PILRB: variants seen among roughly 807,000 people sequenced by gnomAD.
PILRB encodes the protein paired immunoglobin like type 2 receptor beta.
In PILRB, 21 loss-of-function variants were observed where a neutral mutation model predicts 20.5. That is an observed-to-expected ratio of 1.02 (90% CI 0.72 to 1.47). The LOEUF is 1.47. Ranked by LOEUF, PILRB falls within the 40% of genes most tolerant of loss-of-function variation. PILRB has a pLI of 0.00. For synonymous variants in PILRB, 133 were observed against 115.1 expected (o/e 1.16, Z -0.99); for missense variants, 253 against 272.1 (o/e 0.93, Z 0.49).
chr7:100,364,560 C>G (rs1311506514), intron 3 of PILRB, among the ~76,000 whole-genome samples: 1 of 152,126 alleles, frequency 6.6e-6, no homozygotes, highest in Non-Finnish European at 1.5e-5. Context: ...AACGATAGAT[C>G]AACTGGAAAT....
At chr7:100,358,561 C>A in intron 1 of PILRB, 129 bp from the exon 2 acceptor site, 1 of 1,323,334 alleles carries the variant, frequency 7.6e-7, no homozygotes, top group Non-Finnish European at 1.0e-6. Context: ...AGACCCAGGC[C>A]AGAGGTCAGT....
chr7:100,364,121 A>G (rs1790608231), intron 3 of PILRB, among the ~76,000 whole-genome samples: 1 of 151,994 alleles, frequency 6.6e-6, no homozygotes, highest in African/African-American at 2.4e-5. Context: ...AAAAAAAAAA[A>G]AAGACATAAA....
At chr7:100,359,626 C>T (rs1008308423) in intron 3 of PILRB, 89 bp downstream of exon 3, 7 of 1,135,614 alleles carry the variant, frequency 6.2e-6, no homozygotes, top group African/African-American at 1.5e-5. Context: ...CAGAAATATG[C>T]AGACCCTGCT....
At position 100,358,972 on chromosome 7, in the gene PILRB, G is replaced by T; in HGVS notation, c.347G>T (p.Arg116Leu). 2 of 1,614,088 alleles carry T rather than the reference G, an allele frequency of 1.2e-6. No homozygotes were observed. Among genetic ancestry groups the T allele is most frequent in the Non-Finnish European group, 1.7e-6 (2 of 1,180,030 alleles). ...GGCTTCCTCAGGATCTCAAACCTGC[G>T]GAAGGAGGACCAGTCTGTGTATTTC... is the stretch of plus-strand genomic sequence containing the variant. Reference protein sequence around the residue: ...ESGFLRISNLRKEDQSVYFCR... With the variant: ...ESGFLRISNLLKEDQSVYFCR... The change falls in exon 2 of 4, where the codon CGG becomes CTG. Residue 116 changes from arginine to leucine, a missense_variant. By Grantham distance (102) the Arg-to-Leu change is moderately radical (BLOSUM62 -2). Transcript: ENST00000609309.
intron 3 of PILRB, among the ~76,000 whole-genome samples, chr7:100,366,145 G>T (rs181637511): frequency 6.6e-6 from 1 of 151,872 alleles, no homozygotes; most frequent in Non-Finnish European, 1.5e-5. Context: ...GTAGAGACAG[G>T]TTTTCACCAT....
intron 3 of PILRB, among the ~76,000 whole-genome samples, chr7:100,360,075 A>G (rs1790483953): frequency 1.3e-5 from 2 of 152,104 alleles, no homozygotes; most frequent in Admixed American, 6.6e-5. Flanking sequence ...ACACAGCTGG[A>G]TCCCCCCAAC....
intron 3 of PILRB, among the ~76,000 whole-genome samples, chr7:100,361,562 C>T (rs957108462): frequency 6.6e-6 from 1 of 152,080 alleles, no homozygotes; most frequent in Non-Finnish European, 1.5e-5. Flanking sequence ...GCATGGTGGC[C>T]GACACCTGTA....
At position 100,367,713 on chromosome 7, in the gene PILRB, CAATT is replaced by C; in HGVS notation, c.*337_*340del. The C allele has an allele frequency of 3.3e-6, 1 of 304,972 alleles. No homozygotes were observed. The highest frequency in any genetic ancestry group is 6.1e-6 in the Non-Finnish European group (1 of 163,244). 18.9% of individuals were successfully genotyped at this position (304,972 alleles called of 1,614,324 possible). On this transcript the variant is annotated 3_prime_UTR_variant, in exon 4 of 4. Transcript: ENST00000609309. ...TATCCTCCCCAAGGATGGAAAAATA[CAATT>C]TATTTTGCTTACCATACACCCCTTT... is the stretch of plus-strand genomic sequence containing the variant.
intron 1 of PILRB, 123 bp from the exon 2 acceptor site, chr7:100,358,567 T>G (rs564857393): frequency 7.4e-7 from 1 of 1,348,172 alleles, no homozygotes; most frequent in Non-Finnish European, 1.0e-6. Context: ...AGGCCAGAGG[T>G]CAGTCCAGCC....
chr7:100,366,396 G>A (rs1790686736), intron 3 of PILRB, among the ~76,000 whole-genome samples: 1 of 152,158 alleles, frequency 6.6e-6, no homozygotes, highest in South Asian at 2.1e-4. Context: ...GGGGTGCCGT[G>A]AGGCCTGGGT....
chr7:100,365,554 C>T (rs748494871), intron 3 of PILRB, among the ~76,000 whole-genome samples: 75 of 152,256 alleles, frequency 4.9e-4, no homozygotes, highest in African/African-American at 1.7e-3. Flanking sequence ...TGTGGTGGCT[C>T]ACGCCTGTGA....
In PILRB at chr7:100,367,367, G is replaced by A; in HGVS notation, c.674G>A (p.Ser225Asn). 1 of 781,012 alleles carries A rather than the reference G, an allele frequency of 1.3e-6. No homozygotes were observed. 48.4% of individuals were successfully genotyped at this position (781,012 alleles called of 1,614,324 possible). A position where few individuals can be genotyped will look rare whatever the true frequency, so the allele number is the denominator to read the frequency against. Residue 225 changes from serine (S) to asparagine (N), a missense_variant, in exon 4 of 4, where the codon AGT becomes AAT. Coordinates refer to ENST00000609309, the MANE Select transcript of PILRB (RefSeq NM_178238.4). ...CCTGCAGGTAGCAGGGCGCCAAGCA[G>A]TGACTTCTGACCAACAGAGTGTGGG... ...RRRKGSRAPSSDF is the reference protein window; with the variant it reads ...RRRKGSRAPSNDF
chr7:100,362,755 C>T (rs1012445741), intron 3 of PILRB, among the ~76,000 whole-genome samples: 3 of 152,168 alleles, frequency 2.0e-5, no homozygotes, highest in South Asian at 4.1e-4. Context: ...GTGATCCGCC[C>T]ACCTTGGCCT....
intron 3 of PILRB, among the ~76,000 whole-genome samples, chr7:100,366,608 A>AG (rs1790693999): frequency 6.6e-6 from 1 of 152,122 alleles, no homozygotes. Context: ...AGGTGGCAAC[A>AG]GAACTTGAAC....
chr7:100,361,134 A>T (rs1472115392), intron 3 of PILRB, among the ~76,000 whole-genome samples: 4 of 151,522 alleles, frequency 2.6e-5, no homozygotes, highest in African/African-American at 9.7e-5. Flanking sequence ...ACGGGGTTTC[A>T]CTCTGTTAGC....
intron 1 of PILRB, 129 bp downstream of exon 1, chr7:100,358,495 G>T: frequency 7.7e-7 from 1 of 1,291,964 alleles, no homozygotes; most frequent in Non-Finnish European, 1.1e-6. Flanking sequence ...GGGTCCCATA[G>T]GGGTGGGTGC....
rs1276108194 is a variant in PILRB at position 100,359,093 on chromosome 7, C to G, written c.454+14C>G. The G allele has an allele frequency of 6.2e-7, 1 of 1,613,816 alleles. No individual in the cohort carries two copies. Among genetic ancestry groups the G allele is most frequent in the South Asian group, 1.1e-5 (1 of 91,080 alleles). On this transcript the variant is annotated intron_variant, in intron 2 of 3. Coordinates refer to ENST00000609309, the MANE Select transcript of PILRB (RefSeq NM_178238.4). ...CCATCACCCAGGGTGAGTCCAGCTG[C>G]CCTGACACCTGCCTTGCCCACCGCA...
chr7:100,367,670 CA>C lies in PILRB; in HGVS notation c.*294del, dbSNP rs1163206272. 31 of 440,452 alleles carry C rather than the reference CA, an allele frequency of 7.0e-5. No individual in the cohort carries two copies. In the East Asian group the frequency reaches 9.3e-4, roughly 13 times the overall value. The allele number at this position is 440,452 out of a possible 1,614,324, so 27.3% of individuals were successfully genotyped here. A position where few individuals can be genotyped will look rare whatever the true frequency, so the allele number is the denominator to read the frequency against. The stretch of plus-strand genomic sequence containing the variant: ...GGCATTTGGGGGCTGTTTATTATAG[CA>C]GTGCAAAGAGTTCCTTTATCCTCCC... On this transcript the variant is annotated 3_prime_UTR_variant, in exon 4 of 4. Coordinates refer to ENST00000609309, the MANE Select transcript of PILRB (RefSeq NM_178238.4).
intron 3 of PILRB, among the ~76,000 whole-genome samples, chr7:100,360,041 CAAAA>C (rs545891968): frequency 8.0e-5 from 12 of 150,304 alleles, no homozygotes; most frequent in Admixed American, 1.3e-4. Context: ...AACAAACAAA[CAAAA>C]AAAGCCCCCA....
Sources: allele counts gnomAD v4.1 joint callset (sites outside exome capture counted in the v4.1 genomes callset), GRCh38; gene constraint gnomAD v4.1.1; transcripts MANE v1.5; gene names NCBI Gene and HGNC (gene_info 2026-07-23, HGNC 2026-07-21).